The following MYH11 variants were observed in gnomAD, a reference collection of about 807,000 sequenced individuals.
MYH11 encodes the protein myosin-11.
In MYH11, 80 loss-of-function variants were observed where a neutral mutation model predicts 246.6. That is an observed-to-expected ratio of 0.32 (90% CI 0.27 to 0.39). The LOEUF is 0.39. Ranked by LOEUF, MYH11 falls within the 10% of genes least tolerant of loss-of-function variation. The probability of loss-of-function intolerance (pLI) is 1.00; values close to 1 mark genes in which losing one functional copy is unlikely to be tolerated. For synonymous variants in MYH11, 1,071 were observed against 1,015.5 expected (o/e 1.05, Z -1.04); for missense variants, 2,158 against 2,546.8 (o/e 0.85, Z 3.29).
intron 23 of MYH11, 77 bp downstream of exon 23, chr16:15,739,974 T>G (rs2041225048): frequency 6.6e-7 from 1 of 1,517,080 alleles, no homozygotes. Context: ...ACTCCTGGCC[T>G]CAAGTGATCC....
At position 15,782,845 on chromosome 16, in the gene MYH11, G is replaced by A. The variant is rs952024563; in HGVS notation, c.634-368C>T. On this transcript the variant is annotated intron_variant, in intron 5 of 40. Transcript: ENST00000300036. The stretch of plus-strand genomic sequence containing the variant: ...TGTGCAGTGCACCACCTGTCCCACT[G>A]TACATGGCAGTCGTGCTGCTGTTCA... 2.1e-5 allele frequency: 5 copies of A among 234,024 alleles called. No homozygotes were observed. The South Asian group carries it at 3.3e-4, about 16-fold the overall frequency. The allele number at this position is 234,024 out of a possible 1,614,324, so 14.5% of individuals were successfully genotyped here. A position where few individuals can be genotyped will look rare whatever the true frequency, so the allele number is the denominator to read the frequency against.
chr16:15,715,718 G>A (rs149672506), intron 38 of MYH11, among the ~76,000 whole-genome samples: 32 of 152,270 alleles, frequency 2.1e-4, no homozygotes, highest in African/African-American at 5.5e-4. Flanking sequence ...CTAGTTCATA[G>A]TTCACTGCAG....
At chr16:15,791,862 C>G (rs2042618246) in intron 4 of MYH11, 1 of 151,864 alleles carries the variant, frequency 6.6e-6, no homozygotes. Context: ...TCTGTAGAGA[C>G]AGGGGTCTCG....
chr16:15,709,317 A>G (rs1169207298), intron 40 of MYH11, among the ~76,000 whole-genome samples: 1 of 151,494 alleles, frequency 6.6e-6, no homozygotes, highest in Non-Finnish European at 1.5e-5. Context: ...AGGCTGGTAG[A>G]TGAAAGGATA....
In MYH11 at chr16:15,727,012, C is replaced by G. The variant is rs754761681; in HGVS notation, c.3694G>C (p.Glu1232Gln). ...LDKNKQTLEKENADLAGELRV... is the reference protein window; with the variant it reads ...LDKNKQTLEKQNADLAGELRV... ...AGCTCCCCGGCCAGGTCTGCGTTCT[C>G]TTTCTCCAGCGTCTGCTTATTCTTG... Residue 1232 changes from glutamate to glutamine, a missense_variant, in exon 28 of 41, where the codon GAG (glutamate) becomes CAG (glutamine). Transcript: ENST00000300036. 9.3e-6 allele frequency: 15 copies of G among 1,611,868 alleles called. No homozygotes were observed. Among genetic ancestry groups the G allele is most frequent in the Non-Finnish European group, 1.1e-5 (13 of 1,178,900 alleles).
chr16:15,814,145 A>G (rs575328044), intron 3 of MYH11, among the ~76,000 whole-genome samples: 54 of 151,996 alleles, frequency 3.6e-4, no homozygotes, highest in Admixed American at 5.9e-4. Context: ...TCCCCCAAAA[A>G]AAAACAAACA....
chr16:15,821,418 TTC>T (rs1389670965), intron 3 of MYH11, among the ~76,000 whole-genome samples: 1 of 152,192 alleles, frequency 6.6e-6, no homozygotes, highest in Non-Finnish European at 1.5e-5. Context: ...TGCCAGCAAG[TTC>T]TCTTTTACTT....
chr16:15,710,311 A>G (rs183024279), intron 40 of MYH11, among the ~76,000 whole-genome samples: 18 of 152,232 alleles, frequency 1.2e-4, no homozygotes, highest in African/African-American at 4.3e-4. Context: ...TCACGAGGTC[A>G]GGAGATCGAG....
chr16:15,731,382 C>T (rs979273345), intron 27 of MYH11, among the ~76,000 whole-genome samples: 3 of 152,102 alleles, frequency 2.0e-5, no homozygotes, highest in African/African-American at 7.2e-5. Flanking sequence ...CTCTAGGCAC[C>T]TAGGACCTCA....
Position 15,763,919 on chromosome 16 carries a change from G to A in MYH11, c.1034-28C>T, listed in dbSNP as rs368337327. 6 of 1,579,434 alleles carry A rather than the reference G, an allele frequency of 3.8e-6. No homozygotes were observed. The African/African-American group carries it at 5.4e-5, about 14-fold the overall frequency. On this transcript the variant is annotated intron_variant, in intron 9 of 40. Coordinates refer to ENST00000300036, the MANE Select transcript of MYH11 (RefSeq NM_002474.3). ...GAGGTGGGGAGAGAAGGGCAGAGCA[G>A]ACACAAAGGTCAATGCCAAGGTACC... is the stretch of plus-strand genomic sequence containing the variant.
intron 8 of MYH11, among the ~76,000 whole-genome samples, chr16:15,772,155 G>A (rs1003085087): frequency 1.4e-4 from 19 of 137,980 alleles, no homozygotes; most frequent in Admixed American, 1.3e-3. Context: ...GCAGTGGCGC[G>A]ATCTCGGCTC....
At position 15,781,873 on chromosome 16, in the gene MYH11, G is replaced by A. The variant is rs560064473; in HGVS notation, c.726+512C>T. Among the ~76,000 whole-genome samples, 5 of 152,262 alleles carry A rather than the reference G, an allele frequency of 3.3e-5. No individual in the cohort carries two copies. In the South Asian group the frequency reaches 8.3e-4, roughly 25 times the overall value. On this transcript the variant is annotated intron_variant, in intron 6 of 40. Coordinates refer to ENST00000300036, the MANE Select transcript of MYH11 (RefSeq NM_002474.3). Reference sequence around the variant, plus strand: ...TGAGAAAAAAACAAAGAGAATGGTGGTACATGTAAAAGTGCCTACCAGAGT... The same window carrying A: ...TGAGAAAAAAACAAAGAGAATGGTGATACATGTAAAAGTGCCTACCAGAGT...
intron 28 of MYH11, chr16:15,725,630 AT>A (rs1249919633): frequency 2.5e-6 from 1 of 401,194 alleles, no homozygotes; most frequent in South Asian, 1.2e-4. Flanking sequence ...GACACTGCTT[AT>A]ATGAGGGCGG....
Position 15,789,716 on chromosome 16 carries a change from C to T in MYH11, c.531-2984G>A, listed in dbSNP as rs116136860. On this transcript the variant is annotated intron_variant, in intron 4 of 40. Coordinates refer to ENST00000300036, the MANE Select transcript of MYH11 (RefSeq NM_002474.3). ...CTAAGTATGAATTACTTCAATCAGG[C>T]TAACGTCAGAACCTTGCTTGACTTC... Among the ~76,000 whole-genome samples, 511 of 152,308 alleles carry T rather than the reference C, an allele frequency of 3.4e-3. 1 individual carries two copies. The highest frequency in any genetic ancestry group is 0.012 in the African/African-American group (478 of 41,560).
intron 3 of MYH11, among the ~76,000 whole-genome samples, chr16:15,802,731 G>C (rs977932814): frequency 3.3e-5 from 5 of 152,142 alleles, no homozygotes; most frequent in Non-Finnish European, 7.4e-5. Context: ...TTACAGGCGT[G>C]AGCCACTGTA....
intron 1 of MYH11, among the ~76,000 whole-genome samples, chr16:15,847,506 G>A (rs997260053): frequency 6.6e-6 from 1 of 152,072 alleles, no homozygotes; most frequent in Non-Finnish European, 1.5e-5. Flanking sequence ...TGCCTGCCTC[G>A]GTCTCCCAAA....
rs534384552 is a variant in MYH11, at chr16:15,737,461, G to T, written c.3281C>A (p.Ala1094Glu). ...CCAGCCCCGCTACCTGGCCAGGGCC[G>T]CCTGCAGCTCCTCCTCCTTCTTGGC... The part of the protein sequence containing the change: ...QLAKKEEELQ[A>E]ALARLDDEIA... The change falls in exon 25 of 41, where the codon GCG (alanine) becomes GAG (glutamate). Residue 1094 changes from alanine to glutamate, a missense_variant. Ala to Glu is a moderately radical substitution (Grantham distance 107). This residue lies in a region of MYH11 where 284 missense variants were observed against 315.4 expected (regional missense o/e 0.90). Coordinates refer to ENST00000300036, the MANE Select transcript of MYH11 (RefSeq NM_002474.3). 3.7e-6 allele frequency: 6 copies of T among 1,612,842 alleles called. No homozygotes were observed. The highest frequency in any genetic ancestry group is 5.1e-6 in the Non-Finnish European group (6 of 1,180,020).
chr16:15,706,086 G>A (rs945031625), intron 40 of MYH11, among the ~76,000 whole-genome samples: 5 of 151,876 alleles, frequency 3.3e-5, no homozygotes, highest in Admixed American at 1.3e-4. Context: ...GAGAGACCCC[G>A]GCTGGGAAAG....
At chr16:15,828,274 T>G (rs2043624269) in intron 2 of MYH11, among the ~76,000 whole-genome samples, 1 of 152,206 alleles carries the variant, frequency 6.6e-6, no homozygotes, top group Non-Finnish European at 1.5e-5. Flanking sequence ...GCGGCTGGTA[T>G]GTAGTAGGTG....
Sources: gnomAD v4.1 joint callset for allele counts (sites outside exome capture counted in the v4.1 genomes callset) on GRCh38, gnomAD v4.1.1 for gene constraint, gnomAD v4.1.1 regional missense constraint, MANE v1.5 for transcripts, NCBI Gene and HGNC (gene_info 2026-07-23, HGNC 2026-07-21) for gene names.